The following DIAPH3 variants were observed in gnomAD, a reference collection of about 807,000 sequenced individuals.
DIAPH3 encodes diaphanous related formin 3.
Under a neutral mutation model 144.3 loss-of-function variants are expected in DIAPH3, and 117 were observed. That is an observed-to-expected ratio of 0.81 (90% CI 0.70 to 0.95). DIAPH3 has a LOEUF of 0.95. DIAPH3 is among the 40% of genes least tolerant of loss of function. The pLI is 0.00. For missense variants in DIAPH3, 1,421 were observed against 1,412.7 expected, an observed-to-expected ratio of 1.01 and a Z score of -0.09; for synonymous variants, 519 against 488.9, an observed-to-expected ratio of 1.06 and a Z score of -0.81.
intron 20 of DIAPH3, among the ~76,000 whole-genome samples, chr13:59,887,630 T>C (rs1182016157): frequency 6.6e-6 from 1 of 152,152 alleles, no homozygotes; most frequent in Non-Finnish European, 1.5e-5. Context: ...TCCCATATGG[T>C]CTACCTTGGT....
intron 25 of DIAPH3, among the ~76,000 whole-genome samples, chr13:59,779,492 G>A (rs341539): frequency 0.65 from 99,107 of 151,682 alleles, 32,853 homozygotes; most frequent in East Asian, 0.72. Context: ...TTTTAGATAT[G>A]TTACAAATGA....
At position 59,974,201 on chromosome 13, in the gene DIAPH3, C is replaced by G. The variant is rs2050541705; in HGVS notation, c.1650+151G>C. The G allele has an allele frequency of 7.6e-6, 5 of 661,738 alleles. No homozygotes were observed. In the East Asian group the frequency reaches 1.4e-4, roughly 18 times the overall value. The allele number at this position is 661,738 out of a possible 1,614,324, so 41.0% of individuals were successfully genotyped here. A position where few individuals can be genotyped will look rare whatever the true frequency, so the allele number is the denominator to read the frequency against. ...TATACATACATATAGAAAAAAATGA[C>G]AAAAAAATAGCAAAACACAGTACAA... On this transcript the variant is annotated intron_variant, in intron 15 of 27. Coordinates refer to ENST00000400324, the MANE Select transcript of DIAPH3 (RefSeq NM_001042517.2).
chr13:60,090,127 G>A (rs2057882005), intron 4 of DIAPH3, among the ~76,000 whole-genome samples: 1 of 152,154 alleles, frequency 6.6e-6, no homozygotes, highest in African/African-American at 2.4e-5. Flanking sequence ...TCATGAGGGA[G>A]GGAAACCTTT....
rs570000266 is a variant in DIAPH3, at chr13:59,776,506, C to T, written c.3164-1683G>A. Among the ~76,000 whole-genome samples, 7 of 151,554 alleles carry T rather than the reference C, an allele frequency of 4.6e-5. No homozygotes were observed. The South Asian group carries it at 1.5e-3, about 31-fold the overall frequency. ...TTAAGATAGTAAAAGAAAAAGAAAA[C>T]ATTTCAAAATCTAAAATTACAATTT... On this transcript the variant is annotated intron_variant, in intron 25 of 27. Transcript: ENST00000400324.
chr13:60,118,172 G>C (rs770464885), intron 2 of DIAPH3, among the ~76,000 whole-genome samples: 4 of 151,842 alleles, frequency 2.6e-5, no homozygotes, highest in African/African-American at 7.3e-5. Context: ...CTCATACTGA[G>C]TAATTACACT....
chr13:59,740,539 C>G (rs1227330908), intron 27 of DIAPH3, among the ~76,000 whole-genome samples: 1 of 152,100 alleles, frequency 6.6e-6, no homozygotes, highest in Non-Finnish European at 1.5e-5. Context: ...AGTCTAACAC[C>G]AAGCACGAAG....
At chr13:59,975,293 A>C (rs552840782) in intron 14 of DIAPH3, among the ~76,000 whole-genome samples, 1 of 152,182 alleles carries the variant, frequency 6.6e-6, no homozygotes, top group Admixed American at 6.6e-5. Flanking sequence ...TTAGGAAAAT[A>C]ACAACAATGT....
At chr13:59,677,967 G>A (rs549821758) in intron 27 of DIAPH3, among the ~76,000 whole-genome samples, 7 of 152,118 alleles carry the variant, frequency 4.6e-5, no homozygotes, top group Non-Finnish European at 7.4e-5. Flanking sequence ...AGCCATCTAG[G>A]CATGGGGAGA....
At chr13:59,751,226 G>C (rs1221146422) in intron 27 of DIAPH3, among the ~76,000 whole-genome samples, 2 of 152,360 alleles carry the variant, frequency 1.3e-5, no homozygotes, top group East Asian at 3.9e-4. Flanking sequence ...TGGCTGAGAA[G>C]AGTGTACTGC....
At position 60,158,264 on chromosome 13, in the gene DIAPH3, A is replaced by C. The variant is rs576769830; in HGVS notation, c.180+5323T>G. 7.9e-5 allele frequency among the ~76,000 whole-genome samples: 12 copies of C among 152,296 alleles called. No homozygotes were observed. The South Asian group carries it at 2.3e-3, about 29-fold the overall frequency. On this transcript the variant is annotated intron_variant, in intron 1 of 27. Coordinates refer to ENST00000400324, the MANE Select transcript of DIAPH3 (RefSeq NM_001042517.2). Reference sequence around the variant, plus strand: ...CAATACTGGATGCAAAGTTTTTGTTAGTTCCTTTTTACAGAGCAAAGACAT... The same window carrying C: ...CAATACTGGATGCAAAGTTTTTGTTCGTTCCTTTTTACAGAGCAAAGACAT...
In DIAPH3 at chr13:59,980,781, T is replaced by A; in HGVS notation, c.1545+14A>T. ...TCCCCACAGAATACTATAAAGTTAG[T>A]GAAAACTACTTACTTTCTTGTAAAG... On this transcript the variant is annotated intron_variant, in intron 14 of 27. Coordinates refer to ENST00000400324, the MANE Select transcript of DIAPH3 (RefSeq NM_001042517.2). The A allele has an allele frequency of 1.2e-6, 2 of 1,605,490 alleles. No homozygotes were observed. Among genetic ancestry groups the A allele is most frequent in the South Asian group, 2.2e-5 (2 of 90,854 alleles).
intron 4 of DIAPH3, among the ~76,000 whole-genome samples, chr13:60,056,748 T>C (rs983534063): frequency 6.6e-6 from 1 of 151,736 alleles, no homozygotes; most frequent in Admixed American, 6.6e-5. Context: ...ACAAAGGAAC[T>C]AGCTTGAAGA....
intron 4 of DIAPH3, among the ~76,000 whole-genome samples, chr13:60,043,935 G>C (rs2055877031): frequency 6.6e-6 from 1 of 152,110 alleles, no homozygotes; most frequent in South Asian, 2.1e-4. Context: ...GCCTCACAGA[G>C]AAGACTTCAA....
chr13:60,079,013 G>A (rs1021191384), intron 4 of DIAPH3, among the ~76,000 whole-genome samples: 23 of 152,084 alleles, frequency 1.5e-4, no homozygotes, highest in Admixed American at 9.2e-4. Context: ...AGATCTATGC[G>A]TGCTGGAAGC....
intron 4 of DIAPH3, among the ~76,000 whole-genome samples, chr13:60,059,692 G>C (rs996583773): frequency 2.0e-5 from 3 of 151,876 alleles, no homozygotes; most frequent in East Asian, 3.8e-4. Context: ...CTCAAAGTTG[G>C]GGGGTGGGGG....
intron 14 of DIAPH3, among the ~76,000 whole-genome samples, chr13:59,978,916 A>C (rs2050828668): frequency 6.6e-6 from 1 of 151,730 alleles, no homozygotes; most frequent in Admixed American, 6.6e-5. Flanking sequence ...AATATTCTCT[A>C]TATACTTTCT....
intron 27 of DIAPH3, among the ~76,000 whole-genome samples, chr13:59,746,521 G>GC (rs1377339486): frequency 2.0e-5 from 3 of 152,000 alleles, no homozygotes; most frequent in Admixed American, 1.3e-4. Context: ...ACTGCAACCA[G>GC]CACCAGCTGG....
intron 1 of DIAPH3, among the ~76,000 whole-genome samples, chr13:60,133,232 TA>T (rs2059188011): frequency 6.6e-6 from 1 of 151,894 alleles, no homozygotes; most frequent in East Asian, 1.9e-4. Context: ...ACTCACAAAC[TA>T]AAAAATTAAC....
In DIAPH3 at chr13:60,112,058, TGG is replaced by T; in HGVS notation, c.340_341del (p.Pro114LysfsTer7). ...AAPLEMMENF[P>X]KPLSENELLE... is the part of the protein sequence containing the mutation. ...AGAGTTCATTCTCTGACAGTGGCTTTGGAAAGTTCTCCATCATCTCTAAAGGT... is the reference window on the plus strand; with the variant it reads ...AGAGTTCATTCTCTGACAGTGGCTTTAAAGTTCTCCATCATCTCTAAAGGT... On this transcript the variant is annotated frameshift_variant, in exon 3 of 28. Coordinates refer to ENST00000400324, the MANE Select transcript of DIAPH3 (RefSeq NM_001042517.2). LOFTEE classifies it high-confidence loss of function. 1.2e-6 allele frequency: 2 copies of T among 1,614,120 alleles called. No homozygotes were observed. The highest frequency in any genetic ancestry group is 1.7e-6 in the Non-Finnish European group (2 of 1,179,956).
Sources: gnomAD v4.1 joint callset for allele counts (sites outside exome capture counted in the v4.1 genomes callset) on GRCh38, gnomAD v4.1.1 for gene constraint, MANE v1.5 for transcripts, NCBI Gene and HGNC (gene_info 2026-07-23, HGNC 2026-07-21) for gene names.